RAB31: variants seen among roughly 807,000 people sequenced by gnomAD.
The protein encoded by RAB31 is ras-related protein Rab-31.
RAB31 carries 21 observed loss-of-function variants against 25.6 expected under a neutral mutation model. That is an observed-to-expected ratio of 0.82 (90% CI 0.58 to 1.18). The LOEUF (loss-of-function observed/expected upper bound fraction) is 1.18. Ranked by LOEUF, RAB31 falls within the 50% of genes most tolerant of loss-of-function variation. The pLI is 0.00. For synonymous variants in RAB31, 87 were observed against 84.0 expected (o/e 1.04, Z -0.20); for missense variants, 196 against 250.1 (o/e 0.78, Z 1.46).
chr18:9,721,487 A>C (rs542345623), intron 1 of RAB31, among the ~76,000 whole-genome samples: 41 of 152,174 alleles, frequency 2.7e-4, no homozygotes, highest in South Asian at 1.5e-3. Flanking sequence ...GTGGTGGTGC[A>C]TGCCTGTAAT....
intron 5 of RAB31, among the ~76,000 whole-genome samples, chr18:9,837,203 G>A (rs762983692): frequency 5.3e-5 from 8 of 152,218 alleles, no homozygotes; most frequent in East Asian, 3.9e-4. Context: ...TTTGAGGAAC[G>A]GTGTGAAATA....
intron 5 of RAB31, among the ~76,000 whole-genome samples, chr18:9,818,043 C>T (rs2068607613): frequency 6.6e-6 from 1 of 152,082 alleles, no homozygotes; most frequent in Non-Finnish European, 1.5e-5. Flanking sequence ...CCTGCAGTTG[C>T]GTTTTAAAGT....
chr18:9,832,615 T>C (rs2068684789), intron 5 of RAB31, among the ~76,000 whole-genome samples: 3 of 152,200 alleles, frequency 2.0e-5, no homozygotes, highest in African/African-American at 7.2e-5. Flanking sequence ...CAGACCTTCC[T>C]GGCCCACACC....
intron 3 of RAB31, among the ~76,000 whole-genome samples, chr18:9,795,805 C>T (rs2068484319): frequency 6.6e-6 from 1 of 152,114 alleles, no homozygotes; most frequent in Non-Finnish European, 1.5e-5. Context: ...CTAGTATAAC[C>T]ACTGTGGAAA....
At chr18:9,754,368 T>C (rs1004556122) in intron 1 of RAB31, among the ~76,000 whole-genome samples, 2 of 152,070 alleles carry the variant, frequency 1.3e-5, no homozygotes, top group African/African-American at 4.8e-5. Context: ...CAACCTCTGC[T>C]TCCTGGGTTC....
At chr18:9,833,828 T>C (rs1321108399) in intron 5 of RAB31, among the ~76,000 whole-genome samples, 3 of 152,078 alleles carry the variant, frequency 2.0e-5, no homozygotes, top group African/African-American at 7.3e-5. Context: ...AAACCTTGGT[T>C]TTAAAACAGT....
At chr18:9,833,280 T>A (rs773663494) in intron 5 of RAB31, among the ~76,000 whole-genome samples, 80 of 152,166 alleles carry the variant, frequency 5.3e-4, no homozygotes, top group Non-Finnish European at 8.7e-4. Flanking sequence ...GAGGCCAAGT[T>A]CCAGCTTCTC....
At chr18:9,723,810 A>C (rs1259175177) in intron 1 of RAB31, 1 of 152,164 alleles carries the variant, frequency 6.6e-6, no homozygotes, top group African/African-American at 2.4e-5. Context: ...GTCAGAACTC[A>C]CCCACCCCAG....
At chr18:9,779,159 T>A (rs987708567) in intron 2 of RAB31, among the ~76,000 whole-genome samples, 2 of 152,154 alleles carry the variant, frequency 1.3e-5, no homozygotes, top group Non-Finnish European at 2.9e-5. Flanking sequence ...CTATGGAAAC[T>A]CTCTGCACTT....
intron 1 of RAB31, among the ~76,000 whole-genome samples, chr18:9,746,389 T>A (rs1233663815): frequency 1.4e-5 from 2 of 146,038 alleles, no homozygotes; most frequent in Non-Finnish European, 2.9e-5. Flanking sequence ...AAATTCCAAA[T>A]GTGTTTCTTG....
intron 2 of RAB31, among the ~76,000 whole-genome samples, chr18:9,791,888 C>T (rs1257517970): frequency 1.3e-5 from 2 of 152,232 alleles, no homozygotes; most frequent in Admixed American, 1.3e-4. Context: ...ACGGCATGAA[C>T]CACCGCGCCT....
intron 1 of RAB31, among the ~76,000 whole-genome samples, chr18:9,751,479 C>T (rs2068234820): frequency 6.6e-6 from 1 of 152,174 alleles, no homozygotes; most frequent in South Asian, 2.1e-4. Flanking sequence ...ATACACTGAG[C>T]ATAACTGGCT....
chr18:9,837,169 G>A (rs1183395478), intron 5 of RAB31, among the ~76,000 whole-genome samples: 1 of 152,074 alleles, frequency 6.6e-6, no homozygotes, highest in African/African-American at 2.4e-5. Flanking sequence ...TGTGAGGAAC[G>A]GGGGAAAACA....
intron 3 of RAB31, among the ~76,000 whole-genome samples, chr18:9,800,845 C>G (rs1250532598): frequency 6.6e-6 from 1 of 152,092 alleles, no homozygotes; most frequent in Non-Finnish European, 1.5e-5. Flanking sequence ...TACAATTTAT[C>G]CATCTAAAGT....
chr18:9,788,421 G>C (rs904805599), intron 2 of RAB31, among the ~76,000 whole-genome samples: 1 of 152,150 alleles, frequency 6.6e-6, no homozygotes, highest in African/African-American at 2.4e-5. Context: ...GAAGAGAAAA[G>C]GGAATTCTTG....
chr18:9,792,773 C>G (rs1282290256), intron 3 of RAB31, among the ~76,000 whole-genome samples: 1 of 152,136 alleles, frequency 6.6e-6, no homozygotes, highest in Non-Finnish European at 1.5e-5. Context: ...TGGGATCTGG[C>G]AGTACACTGA....
intron 2 of RAB31, among the ~76,000 whole-genome samples, chr18:9,790,921 T>A (rs889774091): frequency 6.6e-6 from 1 of 152,248 alleles, no homozygotes; most frequent in African/African-American, 2.4e-5. Flanking sequence ...GTCAAGGCTA[T>A]TGAACATTCC....
chr18:9,708,545 C>T lies in RAB31; in HGVS notation c.39+101C>T. On this transcript the variant is annotated intron_variant, in intron 1 of 6. Coordinates refer to ENST00000578921, the MANE Select transcript of RAB31 (RefSeq NM_006868.4). This position sits in a 1 kb window ranked among gnomAD's most constrained non-coding sequence, Gnocchi z 6.4. ...GCTCAGTCCCCGTGATCCCCTCGCT[C>T]TCCGCACCCCTCTCGTAGCCCCCGT... 9.6e-7 allele frequency: 1 copy of T among 1,036,784 alleles called. No individual in the cohort carries two copies. Among genetic ancestry groups the T allele is most frequent in the Non-Finnish European group, 1.3e-6 (1 of 758,096 alleles). 64.2% of individuals were successfully genotyped at this position (1,036,784 alleles called of 1,614,324 possible).
At chr18:9,835,967 C>T (rs890106323) in intron 5 of RAB31, among the ~76,000 whole-genome samples, 4 of 152,052 alleles carry the variant, frequency 2.6e-5, no homozygotes, top group Non-Finnish European at 4.4e-5. Flanking sequence ...GCTGTGAGAA[C>T]GCGTCAGAGC....
Sources: gnomAD v4.1 joint callset for allele counts (sites outside exome capture counted in the v4.1 genomes callset) on GRCh38, gnomAD v4.1.1 for gene constraint, Gnocchi (gnomAD v3.1) non-coding constraint, MANE v1.5 for transcripts, NCBI Gene and HGNC (gene_info 2026-07-23, HGNC 2026-07-21) for gene names.